Variants in LRP11 observed in about 807,000 individuals in gnomAD.
LRP11 encodes low-density lipoprotein receptor-related protein 11.
LRP11 carries 25 observed loss-of-function variants against 43.1 expected under a neutral mutation model. The ratio of observed to expected loss-of-function variants is 0.58; its 90% CI spans 0.42 to 0.81. The LOEUF (loss-of-function observed/expected upper bound fraction) is 0.81. LRP11 is among the 30% of genes least tolerant of loss of function. LRP11 has a pLI of 0.00. For missense variants in LRP11, 623 were observed against 665.1 expected (o/e 0.94, Z 0.70); for synonymous variants, 316 against 299.4 (o/e 1.06, Z -0.57).
At chr6:149,861,518 TTGTTTC>T (rs1287575973) in intron 1 of LRP11, among the ~76,000 whole-genome samples, 1 of 152,128 alleles carries the variant, frequency 6.6e-6, no homozygotes, top group Admixed American at 6.5e-5. Flanking sequence ...CCTGAAGTTT[TTGTTTC>T]TGTTTCTGAG....
At chr6:149,833,030 G>A (rs182259353) in intron 5 of LRP11, among the ~76,000 whole-genome samples, 11 of 152,022 alleles carry the variant, frequency 7.2e-5, no homozygotes, top group South Asian at 2.1e-4. Flanking sequence ...GGATGGTCTC[G>A]ATCTCCTGAC....
At chr6:149,848,420 A>G (rs1452352311) in intron 2 of LRP11, among the ~76,000 whole-genome samples, 2 of 152,216 alleles carry the variant, frequency 1.3e-5, no homozygotes, top group African/African-American at 4.8e-5. Flanking sequence ...CTATAAAGAC[A>G]CATGCATGCA....
chr6:149,839,608 T>C (rs971178765), intron 3 of LRP11, among the ~76,000 whole-genome samples: 1 of 152,254 alleles, frequency 6.6e-6, no homozygotes, highest in Non-Finnish European at 1.5e-5. Context: ...TTTTTGATCA[T>C]GCATCCTGAT....
chr6:149,826,510 A>G, intron 5 of LRP11, 151 bp from the exon 6 acceptor site: 1 of 603,806 alleles, frequency 1.7e-6, no homozygotes, highest in Non-Finnish European at 2.9e-6. Context: ...TTTGATAGTT[A>G]AGCAGTAAAT....
chr6:149,843,983 G>A (rs1474275041), intron 2 of LRP11, among the ~76,000 whole-genome samples: 1 of 152,130 alleles, frequency 6.6e-6, no homozygotes, highest in Non-Finnish European at 1.5e-5. Flanking sequence ...GGTTGGGCAC[G>A]GTGGCTCATG....
intron 2 of LRP11, among the ~76,000 whole-genome samples, chr6:149,848,365 C>A (rs775072357): frequency 1.3e-5 from 2 of 152,158 alleles, no homozygotes; most frequent in Non-Finnish European, 2.9e-5. Context: ...TTTGACCCAG[C>A]AATCCCATTA....
intron 3 of LRP11, 64 bp from the exon 4 acceptor site, chr6:149,837,527 C>A (rs963416324): frequency 6.5e-7 from 1 of 1,546,652 alleles, no homozygotes; most frequent in Admixed American, 1.7e-5. Context: ...ATGGGGATGA[C>A]AAAGGGGAGT....
rs1490700147 is a variant in LRP11, at chr6:149,827,580, G to T, written c.1253-1221C>A. ...GTCCTACATACAGCCAATAATTTGG[G>T]CTTTCTCCATAAACTCTGAGCTCAG... On this transcript the variant is annotated intron_variant, in intron 5 of 6. Coordinates refer to ENST00000239367, the MANE Select transcript of LRP11 (RefSeq NM_032832.6). This position sits in a 1 kb window ranked among gnomAD's most constrained non-coding sequence, Gnocchi z 4.2. Among the ~76,000 whole-genome samples, 1 of 152,184 alleles carries T rather than the reference G, an allele frequency of 6.6e-6. No individual in the cohort carries two copies. Among genetic ancestry groups the T allele is most frequent in the Non-Finnish European group, 1.5e-5 (1 of 68,040 alleles).
In LRP11 at chr6:149,820,366, T is replaced by G. The variant is rs1353249306; in HGVS notation, c.*183A>C. On this transcript the variant is annotated 3_prime_UTR_variant, in exon 7 of 7. Transcript: ENST00000239367. ...CTTTAATCATGAATTCCTCTCTAAA[T>G]TTCAAAATATTTTATGACTTCTAAG... The G allele has an allele frequency of 4.4e-6, 2 of 455,800 alleles. No homozygotes were observed. The highest frequency in any genetic ancestry group is 4.1e-5 in the African/African-American group (2 of 48,670). 28.2% of individuals were successfully genotyped at this position (455,800 alleles called of 1,614,324 possible).
Position 149,863,862 on chromosome 6 carries a change from CGACA to C in LRP11, c.155_158del (p.Leu52ArgfsTer177). The C allele has an allele frequency of 6.6e-7, 1 of 1,508,176 alleles. No individual in the cohort carries two copies. The highest frequency in any genetic ancestry group is 1.4e-5 in the African/African-American group (1 of 69,136). 93.4% of individuals were successfully genotyped at this position (1,508,176 alleles called of 1,614,324 possible). On this transcript the variant is annotated frameshift_variant, in exon 1 of 7. Transcript: ENST00000239367. LOFTEE classifies it high-confidence loss of function. Reference sequence around the variant, plus strand: ...ACTCCTCCAGCAGCTGCTCCACGCCCGACAGCTGCGCGTGCAGTTCGGACAGCGG... The same window carrying C: ...ACTCCTCCAGCAGCTGCTCCACGCCCGCTGCGCGTGCAGTTCGGACAGCGG...
chr6:149,849,627 G>C (rs1250638893), intron 2 of LRP11, among the ~76,000 whole-genome samples: 1 of 152,124 alleles, frequency 6.6e-6, no homozygotes, highest in Non-Finnish European at 1.5e-5. Flanking sequence ...CATGACTATA[G>C]TCCCAGCTAC....
chr6:149,823,612 G>T (rs1255386576), intron 6 of LRP11, among the ~76,000 whole-genome samples: 10 of 152,144 alleles, frequency 6.6e-5, no homozygotes, highest in Admixed American at 6.5e-4. Flanking sequence ...GCCTCTTGAA[G>T]ACAAGAGGAC....
intron 6 of LRP11, among the ~76,000 whole-genome samples, chr6:149,824,134 T>C (rs1776310360): frequency 6.6e-6 from 1 of 152,192 alleles, no homozygotes; most frequent in African/African-American, 2.4e-5. Flanking sequence ...TTCTCATGAA[T>C]TGGACCGCAA....
intron 6 of LRP11, among the ~76,000 whole-genome samples, chr6:149,822,204 G>A (rs1466933367): frequency 6.6e-6 from 1 of 152,092 alleles, no homozygotes; most frequent in Non-Finnish European, 1.5e-5. Flanking sequence ...TTAGCCAGTT[G>A]TGGCATGCAC....
intron 6 of LRP11, 196 bp downstream of exon 6, chr6:149,826,068 G>A: frequency 1.7e-6 from 1 of 573,576 alleles, no homozygotes; most frequent in Non-Finnish European, 3.2e-6. Flanking sequence ...AGGCAGCTGA[G>A]GTCCAAAGAT....
chr6:149,818,957 T>G lies in LRP11; in HGVS notation c.*1592A>C, dbSNP rs369820060. 1.3e-5 allele frequency: 2 copies of G among 152,650 alleles called. No homozygotes were observed. Among genetic ancestry groups the G allele is most frequent in the Non-Finnish European group, 2.9e-5 (2 of 68,036 alleles). The allele number at this position is 152,650 out of a possible 1,614,324, so 9.5% of individuals were successfully genotyped here. A position where few individuals can be genotyped will look rare whatever the true frequency, so the allele number is the denominator to read the frequency against. On this transcript the variant is annotated 3_prime_UTR_variant, in exon 7 of 7. Transcript: ENST00000239367. The stretch of plus-strand genomic sequence containing the variant: ...GTTTTTATTTTATTGGTTATGGCTA[T>G]AGTTGACATCTTTCCATATAAAAAC...
rs1037027056 is a variant in LRP11, at chr6:149,819,266, C to A, written c.*1283G>T. On this transcript the variant is annotated 3_prime_UTR_variant, in exon 7 of 7. Coordinates refer to ENST00000239367, the MANE Select transcript of LRP11 (RefSeq NM_032832.6). ...GTCTAAAAATAAAGCGTACTAGATT[C>A]TGGAGTGTTTTTCAAATATTTTAAA... 6 of 152,042 alleles carry A rather than the reference C, an allele frequency of 3.9e-5. No homozygotes were observed. Among genetic ancestry groups the A allele is most frequent in the Admixed American group, 1.3e-4 (2 of 15,252 alleles). 9.4% of individuals were successfully genotyped at this position (152,042 alleles called of 1,614,324 possible).
rs770308756 is a variant in LRP11 at position 149,826,299 on chromosome 6, T to A, written c.1313A>T (p.Asp438Val). The A allele has an allele frequency of 4.3e-6, 7 of 1,613,820 alleles. No individual in the cohort carries two copies. The highest frequency in any genetic ancestry group is 3.3e-5 in the South Asian group (3 of 91,078). Residue 438 changes from aspartate (D) to valine (V), a missense_variant, in exon 6 of 7, where the codon GAT (aspartate) becomes GTT (valine). Physicochemically the swap from Asp to Val is radical, Grantham distance 152. Transcript: ENST00000239367. ...EESYIFESKG[D>V]GGGGEHPAPE... ...GGCTGGGTGTTCCCCTCCTCCTCCA[T>A]CACCCTTTGACTCAAATATATAACT... is the stretch of plus-strand genomic sequence containing the variant.
chr6:149,826,978 T>TC (rs932786599), intron 5 of LRP11, among the ~76,000 whole-genome samples: 1 of 151,470 alleles, frequency 6.6e-6, no homozygotes, highest in African/African-American at 2.4e-5. Context: ...TATTTACTTT[T>TC]TTTTTTTTTT....
Sources: gnomAD v4.1 joint callset for allele counts (sites outside exome capture counted in the v4.1 genomes callset) on GRCh38, gnomAD v4.1.1 for gene constraint, Gnocchi (gnomAD v3.1) non-coding constraint, MANE v1.5 for transcripts, NCBI Gene and HGNC (gene_info 2026-07-23, HGNC 2026-07-21) for gene names.